ARAP2: variants seen among roughly 807,000 people sequenced by gnomAD.
ARAP2 encodes arf-GAP with Rho-GAP domain, ANK repeat and PH domain-containing protein 2.
A neutral mutation model predicts 194.5 loss-of-function variants in ARAP2; 148 were observed. That is an observed-to-expected ratio of 0.76 (90% CI 0.67 to 0.87). The LOEUF is 0.87. Ranked by LOEUF, ARAP2 falls within the 40% of genes least tolerant of loss-of-function variation. ARAP2 has a pLI of 0.00. For missense variants in ARAP2, 2,128 were observed against 1,989.7 expected, an observed-to-expected ratio of 1.07 and a Z score of -1.32; for synonymous variants, 695 against 683.5, an observed-to-expected ratio of 1.02 and a Z score of -0.26.
At chr4:36,034,978 C>T (rs1719665938) in intron 5 of ARAP2, among the ~76,000 whole-genome samples, 1 of 151,848 alleles carries the variant, frequency 6.6e-6, no homozygotes, top group Non-Finnish European at 1.5e-5. Flanking sequence ...TGCTTTTGGA[C>T]TGGTTTGCAA....
intron 20 of ARAP2, among the ~76,000 whole-genome samples, chr4:36,132,299 C>T (rs1725629790): frequency 6.6e-6 from 1 of 151,684 alleles, no homozygotes; most frequent in African/African-American, 2.4e-5. Flanking sequence ...TAACACAATG[C>T]TTTACTGCAG....
At chr4:36,062,540 G>A (rs2073018034), downstream of ARAP2, among the ~76,000 whole-genome samples, 2 of 152,052 alleles carry the variant, frequency 1.3e-5, no homozygotes, top group South Asian at 2.1e-4. Context: ...AGAGCTAGGA[G>A]GACTAATACA....
At chr4:36,200,956 T>C (rs1251356489) in intron 6 of ARAP2, among the ~76,000 whole-genome samples, 1 of 152,240 alleles carries the variant, frequency 6.6e-6, no homozygotes, top group East Asian at 1.9e-4. Flanking sequence ...CAATGCCTTC[T>C]TAGCCTATGT....
At chr4:36,229,670 A>G in intron 1 of ARAP2, 25 bp from the exon 2 acceptor site, 2 of 441,070 alleles carry the variant, frequency 4.5e-6, no homozygotes, top group Non-Finnish European at 8.0e-6. Flanking sequence ...AAAATGATTC[A>G]TTAGGCTATT....
intron 1 of ARAP2, among the ~76,000 whole-genome samples, chr4:36,060,433 C>T (rs1724241934): frequency 6.6e-6 from 1 of 152,090 alleles, no homozygotes; most frequent in Non-Finnish European, 1.5e-5. Context: ...CTCAACATGT[C>T]TTTCTTTTCC....
chr4:36,232,157 T>C (rs1467674241), intron 1 of ARAP2, among the ~76,000 whole-genome samples: 1 of 152,224 alleles, frequency 6.6e-6, no homozygotes, highest in Non-Finnish European at 1.5e-5. Context: ...TTTACGTGGT[T>C]TAAGCTACAT....
At chr4:36,178,162 A>G (rs1738415782) in intron 8 of ARAP2, among the ~76,000 whole-genome samples, 157 bp from the exon 9 acceptor site, 2 of 152,318 alleles carry the variant, frequency 1.3e-5, no homozygotes, top group South Asian at 4.1e-4. Context: ...CCAATGACTC[A>G]ATTCTTTGAG....
chr4:36,198,518 A>G (rs756193599), intron 6 of ARAP2, among the ~76,000 whole-genome samples: 2 of 152,204 alleles, frequency 1.3e-5, no homozygotes, highest in Non-Finnish European at 2.9e-5. Context: ...GTTCATGTCA[A>G]GAGGTGTCTG....
At chr4:36,239,670 G>T (rs1011675588) in intron 1 of ARAP2, among the ~76,000 whole-genome samples, 4 of 152,230 alleles carry the variant, frequency 2.6e-5, no homozygotes, top group Non-Finnish European at 4.4e-5. Flanking sequence ...CTACCAACTG[G>T]AAATGGTCTG....
chr4:36,241,362 G>C (rs1753469149), intron 1 of ARAP2, among the ~76,000 whole-genome samples: 1 of 152,182 alleles, frequency 6.6e-6, no homozygotes, highest in East Asian at 1.9e-4. Context: ...ATAAAAAGAG[G>C]GCATTTCAGA....
At chr4:36,162,107 C>CA (rs11346353) in intron 11 of ARAP2, among the ~76,000 whole-genome samples, 25 of 135,520 alleles carry the variant, frequency 1.8e-4, no homozygotes, top group Admixed American at 3.6e-4. Context: ...GACTCCGTCT[C>CA]AAAAAAAAAA....
At chr4:36,096,551 C>T (rs1180806888) in intron 27 of ARAP2, among the ~76,000 whole-genome samples, 1 of 151,970 alleles carries the variant, frequency 6.6e-6, no homozygotes, top group African/African-American at 2.4e-5. Flanking sequence ...GGAATGACCA[C>T]TTGGAAGCAG....
At chr4:36,085,331 C>T (rs774949031) in intron 28 of ARAP2, among the ~76,000 whole-genome samples, 20 of 151,834 alleles carry the variant, frequency 1.3e-4, no homozygotes, top group Non-Finnish European at 2.4e-4. Flanking sequence ...TTAAGGGTTG[C>T]TTTTTTTAGG....
At chr4:36,118,302 A>C (rs73125314) in intron 24 of ARAP2, among the ~76,000 whole-genome samples, 3,724 of 150,730 alleles carry the variant, frequency 0.025, 78 homozygotes, top group African/African-American at 0.05. Flanking sequence ...AAAAAAAAAA[A>C]AAAACTTAAA....
chr4:36,061,564 A>G (rs1016389720), downstream of ARAP2, among the ~76,000 whole-genome samples: 1 of 152,104 alleles, frequency 6.6e-6, no homozygotes, highest in African/African-American at 2.4e-5. Context: ...TTCTTTATCG[A>G]TTCGTCTGTT....
intron 24 of ARAP2, among the ~76,000 whole-genome samples, chr4:36,118,623 T>C (rs1049809099): frequency 6.6e-6 from 1 of 151,466 alleles, no homozygotes; most frequent in Non-Finnish European, 1.5e-5. Context: ...AATAACAATG[T>C]AGATAGTGTG....
chr4:36,198,781 G>A (rs1743734083), intron 6 of ARAP2, among the ~76,000 whole-genome samples: 1 of 152,232 alleles, frequency 6.6e-6, no homozygotes, highest in African/African-American at 2.4e-5. Context: ...TTCGTAGGTA[G>A]GGGGTGGCCT....
chr4:36,073,916 C>T (rs1489639999), intron 31 of ARAP2, 93 bp from the exon 32 acceptor site: 2 of 1,413,552 alleles, frequency 1.4e-6, no homozygotes, highest in Non-Finnish European at 9.7e-7. Flanking sequence ...CACATATCCA[C>T]ATCAAATGAT....
Position 36,193,588 on chromosome 4 carries a change from T to G in ARAP2, c.1547A>C (p.Asn516Thr). ...KFDGLSISYY[N>T]NEKEMYSKGI... Reference sequence around the variant, plus strand: ...GTAAAATGTATTTACCTTCTCATTATTGTAGTAAGAAATGCTAAGGCCATC... The same window carrying G: ...GTAAAATGTATTTACCTTCTCATTAGTGTAGTAAGAAATGCTAAGGCCATC... The change falls in exon 7 of 33, where the codon AAT (asparagine) becomes ACT (threonine). Residue 516 changes from asparagine to threonine, a missense_variant. Coordinates refer to ENST00000303965, the MANE Select transcript of ARAP2 (RefSeq NM_015230.4). 1 of 1,590,008 alleles carries G rather than the reference T, an allele frequency of 6.3e-7. No homozygotes were observed. Among genetic ancestry groups the G allele is most frequent in the Non-Finnish European group, 8.6e-7 (1 of 1,169,370 alleles).
Sources: allele counts gnomAD v4.1 joint callset (sites outside exome capture counted in the v4.1 genomes callset), GRCh38; gene constraint gnomAD v4.1.1; transcripts MANE v1.5; gene names NCBI Gene and HGNC (gene_info 2026-07-23, HGNC 2026-07-21).